Variants in GRID2 observed in about 807,000 individuals in gnomAD.
The protein encoded by GRID2 is glutamate receptor ionotropic, delta-2.
A neutral mutation model predicts 114.8 loss-of-function variants in GRID2; 33 were observed. The ratio of observed to expected loss-of-function variants is 0.29; its 90% confidence interval spans 0.22 to 0.38. The LOEUF is 0.38. Among genes scored for constraint, GRID2 ranks in the 10% least tolerant of loss-of-function variants. The pLI, the probability that GRID2 is intolerant of heterozygous loss-of-function variation, is 1.00. For missense variants in GRID2, 1,184 were observed against 1,257.7 expected, an observed-to-expected ratio of 0.94 and a Z score of 0.89; for synonymous variants, 505 against 449.9, an observed-to-expected ratio of 1.12 and a Z score of -1.55.
chr4:92,961,311 T>G (rs1752791397), intron 2 of GRID2, among the ~76,000 whole-genome samples: 1 of 151,772 alleles, frequency 6.6e-6, no homozygotes, highest in Admixed American at 6.6e-5. Flanking sequence ...ATTTCAGTTT[T>G]CTTTTCTCTG....
intron 3 of GRID2, among the ~76,000 whole-genome samples, chr4:93,108,635 CTT>C (rs796179719): frequency 3.0e-5 from 4 of 133,446 alleles, no homozygotes; most frequent in Non-Finnish European, 4.9e-5. Context: ...TTTTTTTTTT[CTT>C]TTTTTTTTTT....
intron 13 of GRID2, among the ~76,000 whole-genome samples, chr4:93,573,427 C>A (rs1160884340): frequency 1.3e-5 from 2 of 152,144 alleles, no homozygotes; most frequent in Non-Finnish European, 2.9e-5. Context: ...TGGTCTAATG[C>A]AACATGACTG....
intron 14 of GRID2, among the ~76,000 whole-genome samples, chr4:93,726,241 C>A (rs1489243591): frequency 2.0e-5 from 3 of 152,090 alleles, no homozygotes; most frequent in Non-Finnish European, 2.9e-5. Context: ...TTAAATAGGG[C>A]ATCCTTCCCC....
intron 9 of GRID2, among the ~76,000 whole-genome samples, chr4:93,409,435 C>T (rs1328514672): frequency 6.6e-6 from 1 of 152,046 alleles, no homozygotes; most frequent in Non-Finnish European, 1.5e-5. Flanking sequence ...GATCAGATTT[C>T]AAATATTTTC....
At chr4:93,673,818 C>T (rs1724628113) in intron 14 of GRID2, among the ~76,000 whole-genome samples, 2 of 152,138 alleles carry the variant, frequency 1.3e-5, no homozygotes, top group South Asian at 2.1e-4. Context: ...ATGATGCGCA[C>T]CATAAATCAA....
chr4:93,512,230 A>G (rs927959106), intron 12 of GRID2, among the ~76,000 whole-genome samples: 1 of 152,236 alleles, frequency 6.6e-6, no homozygotes, highest in African/African-American at 2.4e-5. Flanking sequence ...ATGATTAGGC[A>G]TGTCTAAATA....
rs1320655015 is a variant in GRID2 at position 92,992,558 on chromosome 4, A to G, written c.245-92437A>G. On this transcript the variant is annotated intron_variant, in intron 2 of 15. Transcript: ENST00000282020. ...TTTATCTTCAGTATTATATTTTGCAATTTCATATTGTGACTTCTATATAAT... is the reference window on the plus strand; with the variant it reads ...TTTATCTTCAGTATTATATTTTGCAGTTTCATATTGTGACTTCTATATAAT... Among the ~76,000 whole-genome samples the G allele has an allele frequency of 6.6e-5, 10 of 152,170 alleles. No homozygotes were observed. The East Asian group carries it at 1.9e-3, about 30-fold the overall frequency.
intron 2 of GRID2, among the ~76,000 whole-genome samples, chr4:92,940,080 T>C (rs1197886503): frequency 6.8e-6 from 1 of 147,090 alleles, no homozygotes; most frequent in East Asian, 2.2e-4. Context: ...AAATTTAAAG[T>C]AGTTTTTTCC....
chr4:92,485,987 T>C (rs1266511807), intron 1 of GRID2, among the ~76,000 whole-genome samples: 1 of 151,866 alleles, frequency 6.6e-6, no homozygotes, highest in Non-Finnish European at 1.5e-5. Flanking sequence ...ATGATGGAAC[T>C]TGTGAAATCC....
chr4:93,126,488 A>G (rs984008234), intron 4 of GRID2, among the ~76,000 whole-genome samples: 1 of 150,492 alleles, frequency 6.6e-6, no homozygotes, highest in Non-Finnish European at 1.5e-5. Flanking sequence ...GTTTAGCAGC[A>G]TCTGCCTGTA....
At chr4:93,126,667 G>A (rs1344588874) in intron 4 of GRID2, among the ~76,000 whole-genome samples, 1 of 124,252 alleles carries the variant, frequency 8.0e-6, no homozygotes, top group Admixed American at 1.1e-4. Flanking sequence ...GCGCGATCTC[G>A]GCTCACTGCA....
At chr4:93,036,405 T>C (rs1373612981) in intron 2 of GRID2, among the ~76,000 whole-genome samples, 1 of 152,142 alleles carries the variant, frequency 6.6e-6, no homozygotes. Context: ...TTATTTCTTA[T>C]GGTAAAACAA....
intron 2 of GRID2, among the ~76,000 whole-genome samples, chr4:92,897,404 G>A (rs1033868089): frequency 3.3e-5 from 5 of 152,168 alleles, no homozygotes; most frequent in Middle Eastern, 3.4e-3. Flanking sequence ...TTTAGAGAAA[G>A]GGCAAAGTTC....
intron 1 of GRID2, among the ~76,000 whole-genome samples, chr4:92,503,004 T>A (rs1405569753): frequency 6.6e-6 from 1 of 151,962 alleles, no homozygotes; most frequent in African/African-American, 2.4e-5. Context: ...ACATGCCATA[T>A]GATTTTCAAA....
intron 14 of GRID2, among the ~76,000 whole-genome samples, chr4:93,683,357 A>G (rs1725772206): frequency 6.6e-6 from 1 of 152,100 alleles, no homozygotes; most frequent in African/African-American, 2.4e-5. Flanking sequence ...GTTAAATGGC[A>G]GTTTCAGTCT....
intron 1 of GRID2, among the ~76,000 whole-genome samples, chr4:92,466,557 T>TA (rs1721761195): frequency 6.6e-6 from 1 of 151,896 alleles, no homozygotes; most frequent in Non-Finnish European, 1.5e-5. Flanking sequence ...AAGTTAAAAA[T>TA]AAAAAAATTC....
At chr4:93,316,377 A>AT (rs55637123) in intron 8 of GRID2, among the ~76,000 whole-genome samples, 1 of 114,236 alleles carries the variant, frequency 8.8e-6, no homozygotes, top group African/African-American at 3.7e-5. Context: ...AAAAGAAAGA[A>AT]AGAAAGAATA....
chr4:92,865,226 A>G (rs1411293482), intron 2 of GRID2, among the ~76,000 whole-genome samples: 2 of 152,156 alleles, frequency 1.3e-5, no homozygotes, highest in African/African-American at 2.4e-5. Context: ...CTGTCATAAT[A>G]TTTACACAGT....
intron 8 of GRID2, among the ~76,000 whole-genome samples, chr4:93,392,509 A>G (rs1186495501): frequency 1.3e-5 from 2 of 152,102 alleles, no homozygotes; most frequent in African/African-American, 4.8e-5. Flanking sequence ...TATTATTTTA[A>G]AAAGTTATTA....
Sources: allele counts gnomAD v4.1 joint callset (sites outside exome capture counted in the v4.1 genomes callset), GRCh38; gene constraint gnomAD v4.1.1; transcripts MANE v1.5; gene names NCBI Gene and HGNC (gene_info 2026-07-23, HGNC 2026-07-21).